Variants in RHEX observed in about 807,000 individuals in gnomAD.
RHEX encodes regulator of hemoglobinization and erythroid cell expansion.
A neutral mutation model predicts 20.1 loss-of-function variants in RHEX; 18 were observed. The observed-to-expected ratio is 0.90, with a 90% CI of 0.62 to 1.33. The LOEUF is 1.33. Ranked by LOEUF, RHEX falls within the 40% of genes most tolerant of loss-of-function variation. The pLI is 0.00. For synonymous variants in RHEX, 87 were observed against 77.1 expected, an observed-to-expected ratio of 1.13 and a Z score of -0.67; for missense variants, 192 against 214.3, an observed-to-expected ratio of 0.90 and a Z score of 0.65.
At chr1:206,084,590 A>G (rs1662801139) in intron 1 of RHEX, among the ~76,000 whole-genome samples, 1 of 152,138 alleles carries the variant, frequency 6.6e-6, no homozygotes, top group African/African-American at 2.4e-5. Flanking sequence ...CGGTGCTGGG[A>G]AGCATGTATC....
intron 1 of RHEX, among the ~76,000 whole-genome samples, chr1:206,054,493 G>C (rs1164278034): frequency 6.6e-6 from 1 of 151,404 alleles, no homozygotes; most frequent in Non-Finnish European, 1.5e-5. Context: ...TGTTTTAAAA[G>C]TTTAAGCAAG....
intron 1 of RHEX, chr1:206,056,498 A>G (rs1202138244): frequency 1.3e-5 from 2 of 152,268 alleles, no homozygotes; most frequent in South Asian, 2.1e-4. Flanking sequence ...CTATTATTTT[A>G]TGGTTATTAT....
chr1:206,092,042 TTC>T (rs1287306513), intron 1 of RHEX, among the ~76,000 whole-genome samples: 2 of 150,766 alleles, frequency 1.3e-5, no homozygotes, highest in African/African-American at 5.0e-5. Flanking sequence ...TTCTCTTTCT[TTC>T]TCTCTTTCTC....
chr1:206,097,913 T>C lies in RHEX; in HGVS notation c.11+74T>C, dbSNP rs569344117. 1.5e-5 allele frequency: 19 copies of C among 1,270,764 alleles called. No individual in the cohort carries two copies. In the South Asian group the frequency reaches 2.0e-4, roughly 13 times the overall value. 78.7% of individuals were successfully genotyped at this position (1,270,764 alleles called of 1,614,324 possible). ...GGTGTAGCTGTCTTCCAAGCACACA[T>C]AGCACCCTTCCTGGCTGCCCCAGCC... On this transcript the variant is annotated intron_variant, in intron 2 of 5. Transcript: ENST00000331555.
At chr1:206,079,353 T>C (rs570709890) in intron 1 of RHEX, among the ~76,000 whole-genome samples, 1 of 152,256 alleles carries the variant, frequency 6.6e-6, no homozygotes, top group East Asian at 1.9e-4. Flanking sequence ...GTCAATATGA[T>C]GCAAGAGCCA....
intron 1 of RHEX, chr1:206,083,720 T>C (rs956706493): frequency 3.6e-6 from 3 of 829,888 alleles, no homozygotes; most frequent in South Asian, 5.5e-5. Context: ...AGCATATATG[T>C]GTAGAAGTTT....
chr1:206,060,772 G>A (rs1365773321), intron 1 of RHEX: 1 of 152,242 alleles, frequency 6.6e-6, no homozygotes, highest in African/African-American at 2.4e-5. Context: ...TTGCTGTGGT[G>A]TCCCTCATCT....
chr1:206,098,404 G>A, intron 3 of RHEX: 1 of 530,134 alleles, frequency 1.9e-6, no homozygotes, highest in Non-Finnish European at 3.4e-6. Flanking sequence ...GGCTGGAAGT[G>A]GCCATCCACA....
chr1:206,088,783 C>A (rs1195505859), intron 1 of RHEX, among the ~76,000 whole-genome samples: 1 of 152,156 alleles, frequency 6.6e-6, no homozygotes, highest in Non-Finnish European at 1.5e-5. Context: ...AGTTTAATGA[C>A]CCAGAGTTTT....
chr1:206,088,614 CG>C (rs1158736674), intron 1 of RHEX, among the ~76,000 whole-genome samples: 1 of 152,092 alleles, frequency 6.6e-6, no homozygotes, highest in Non-Finnish European at 1.5e-5. Context: ...ACCTGGGAGG[CG>C]GAGGTTGCAG....
chr1:206,077,710 C>T (rs1449883554), intron 1 of RHEX, among the ~76,000 whole-genome samples: 2 of 152,294 alleles, frequency 1.3e-5, no homozygotes, highest in Middle Eastern at 3.4e-3. Flanking sequence ...GCTACAACAT[C>T]GTAGGTGGAG....
At chr1:206,079,059 C>A (rs1484243341) in intron 1 of RHEX, among the ~76,000 whole-genome samples, 3 of 152,162 alleles carry the variant, frequency 2.0e-5, no homozygotes, top group Non-Finnish European at 2.9e-5. Context: ...TTAACCCCCC[C>A]AGTCTTGAGT....
At chr1:206,097,201 C>T (rs1230125666) in intron 1 of RHEX, among the ~76,000 whole-genome samples, 3 of 152,146 alleles carry the variant, frequency 2.0e-5, no homozygotes, top group Non-Finnish European at 4.4e-5. Context: ...AGTCTTTTCT[C>T]GCTCGCTGTC....
chr1:206,074,259 T>C (rs1553284971), intron 1 of RHEX, among the ~76,000 whole-genome samples: 1 of 152,224 alleles, frequency 6.6e-6, no homozygotes, highest in African/African-American at 2.4e-5. Context: ...ATTTTTTATC[T>C]AAAGTCTATG....
At chr1:206,068,306 G>A (rs573520217) in intron 1 of RHEX, among the ~76,000 whole-genome samples, 101 of 152,276 alleles carry the variant, frequency 6.6e-4, no homozygotes, top group Non-Finnish European at 1.3e-3. Flanking sequence ...GAGTTGAGTT[G>A]GGGTAGGGTG....
chr1:206,082,178 G>A (rs1447740078), intron 1 of RHEX, among the ~76,000 whole-genome samples: 2 of 152,132 alleles, frequency 1.3e-5, no homozygotes, highest in Admixed American at 1.3e-4. Context: ...CACTGAAAGG[G>A]ACTCAGCCCA....
In RHEX at chr1:206,101,656, G is replaced by A. The variant is rs147843415; in HGVS notation, c.319-96G>A. On this transcript the variant is annotated intron_variant, in intron 5 of 5. Coordinates refer to ENST00000331555, the MANE Select transcript of RHEX (RefSeq NM_001007544.4). ...ACCCAGATCTTCCCCACCAAGCCAT[G>A]GGCGAATCTTGTTGAGTAAGAGTTC... 2.1e-5 allele frequency: 20 copies of A among 941,010 alleles called. No individual in the cohort carries two copies. The East Asian group carries it at 4.7e-4, about 22-fold the overall frequency. 58.3% of individuals were successfully genotyped at this position (941,010 alleles called of 1,614,324 possible).
chr1:206,101,613 C>T lies in RHEX; in HGVS notation c.319-139C>T, dbSNP rs1663188143. 5 of 671,006 alleles carry T rather than the reference C, an allele frequency of 7.5e-6. No homozygotes were observed. In the East Asian group the frequency reaches 1.4e-4, roughly 18 times the overall value. 41.6% of individuals were successfully genotyped at this position (671,006 alleles called of 1,614,324 possible). A position where few individuals can be genotyped will look rare whatever the true frequency, so the allele number is the denominator to read the frequency against. The stretch of plus-strand genomic sequence containing the variant: ...TCTTCCTCATTGCCCTGGACTGCTC[C>T]CAGACACAGCTATTTGGACCCAGAT... On this transcript the variant is annotated intron_variant, in intron 5 of 5. Coordinates refer to ENST00000331555, the MANE Select transcript of RHEX (RefSeq NM_001007544.4).
chr1:206,088,510 C>T (rs1479249759), intron 1 of RHEX, among the ~76,000 whole-genome samples: 1 of 152,126 alleles, frequency 6.6e-6, no homozygotes, highest in Non-Finnish European at 1.5e-5. Flanking sequence ...TGGTGAAATG[C>T]TGTCTCTACT....
Sources: allele counts gnomAD v4.1 joint callset (sites outside exome capture counted in the v4.1 genomes callset), GRCh38; gene constraint gnomAD v4.1.1; transcripts MANE v1.5; gene names NCBI Gene and HGNC (gene_info 2026-07-23, HGNC 2026-07-21).